The following PRTFDC1 variants were observed in gnomAD, a reference collection of about 807,000 sequenced individuals.
PRTFDC1 encodes phosphoribosyltransferase domain-containing protein 1.
Under a neutral mutation model 34.6 loss-of-function variants are expected in PRTFDC1, and 38 were observed. The observed-to-expected ratio is 1.10, with a 90% CI of 0.85 to 1.44. The LOEUF is 1.44. PRTFDC1 is among the 40% of genes most tolerant of loss of function. The pLI, the probability that PRTFDC1 is intolerant of heterozygous loss-of-function variation, is 0.00. For synonymous variants in PRTFDC1, 93 were observed against 98.1 expected (o/e 0.95, Z 0.31); for missense variants, 270 against 283.0 (o/e 0.95, Z 0.33).
chr10:24,857,866 CT>C (rs951693261), intron 5 of PRTFDC1, among the ~76,000 whole-genome samples: 4 of 151,794 alleles, frequency 2.6e-5, no homozygotes, highest in Non-Finnish European at 4.4e-5. Context: ...TCTTTTCTCT[CT>C]TTTTTTTAAC....
At chr10:24,946,384 G>A (rs1224239120) in intron 1 of PRTFDC1, among the ~76,000 whole-genome samples, 3 of 151,930 alleles carry the variant, frequency 2.0e-5, no homozygotes, top group Non-Finnish European at 2.9e-5. Flanking sequence ...GATGTTTGAC[G>A]CATAATGCCA....
At chr10:24,895,249 C>CTTGCTT (rs1848332078) in intron 3 of PRTFDC1, among the ~76,000 whole-genome samples, 3 of 70,214 alleles carry the variant, frequency 4.3e-5, no homozygotes, top group Non-Finnish European at 8.2e-5. Context: ...GAAATCTCCA[C>CTTGCTT]TTTCTTTTTT....
chr10:24,904,958 C>A (rs1210360806), intron 3 of PRTFDC1, among the ~76,000 whole-genome samples: 1 of 152,172 alleles, frequency 6.6e-6, no homozygotes, highest in Non-Finnish European at 1.5e-5. Context: ...TTCCTAATGT[C>A]CTGCTGGAAG....
chr10:24,860,286 C>T (rs752157239), intron 4 of PRTFDC1, among the ~76,000 whole-genome samples: 115 of 152,136 alleles, frequency 7.6e-4, no homozygotes, highest in Non-Finnish European at 8.7e-4. Flanking sequence ...GAGGCTGAGG[C>T]GGGAGAATCA....
intron 3 of PRTFDC1, among the ~76,000 whole-genome samples, chr10:24,931,930 A>AAC (rs1848979663): frequency 6.6e-6 from 1 of 151,652 alleles, no homozygotes; most frequent in African/African-American, 2.4e-5. Flanking sequence ...AAAAAACAAA[A>AAC]AACTATGGTT....
chr10:24,871,319 T>C (rs1372994592), intron 4 of PRTFDC1, among the ~76,000 whole-genome samples: 1 of 152,192 alleles, frequency 6.6e-6, no homozygotes, highest in Non-Finnish European at 1.5e-5. Context: ...GGATTGCTTT[T>C]ATTCACAGCA....
chr10:24,934,230 AAGAAGAAGAAGAAGAAGG>A (rs1277250085), intron 3 of PRTFDC1, among the ~76,000 whole-genome samples: 3 of 115,636 alleles, frequency 2.6e-5, no homozygotes, highest in East Asian at 4.4e-4. Flanking sequence ...GAAGAAGAAG[AAGAAGAAGAAGAAGAAGG>A]AGAAGAAGAA....
chr10:24,865,207 C>T (rs1486791268), intron 4 of PRTFDC1, among the ~76,000 whole-genome samples: 1 of 152,138 alleles, frequency 6.6e-6, no homozygotes, highest in African/African-American at 2.4e-5. Context: ...AGTGAATCAA[C>T]AATTTTGACC....
chr10:24,880,863 C>CTTTCTTTCT (rs1279281198), intron 3 of PRTFDC1, among the ~76,000 whole-genome samples: 3 of 146,480 alleles, frequency 2.0e-5, no homozygotes, highest in Non-Finnish European at 4.5e-5. Flanking sequence ...TTCTTTCTTT[C>CTTTCTTTCT]TTTCTTTCTT....
In PRTFDC1 at chr10:24,932,783, T is replaced by C. The variant is rs569552989; in HGVS notation, c.339+4401A>G. 5.3e-5 allele frequency among the ~76,000 whole-genome samples: 8 copies of C among 152,206 alleles called. No homozygotes were observed. In the East Asian group the frequency reaches 1.5e-3, roughly 29 times the overall value. Reference sequence around the variant, plus strand: ...TATTTTGTAGAAATCAGCTACATGATATTAAATTTATATGGAAAGACAAAG... The same window carrying C: ...TATTTTGTAGAAATCAGCTACATGACATTAAATTTATATGGAAAGACAAAG... On this transcript the variant is annotated intron_variant, in intron 3 of 8. Transcript: ENST00000320152.
chr10:24,939,950 T>G (rs903815276), intron 2 of PRTFDC1, among the ~76,000 whole-genome samples: 1 of 151,986 alleles, frequency 6.6e-6, no homozygotes, highest in African/African-American at 2.4e-5. Context: ...GACTTCTGAG[T>G]GAGGAATATG....
intron 4 of PRTFDC1, among the ~76,000 whole-genome samples, chr10:24,871,473 C>T (rs1391549140): frequency 6.6e-6 from 1 of 152,118 alleles, no homozygotes; most frequent in African/African-American, 2.4e-5. Context: ...CAAGTTAAAA[C>T]TGGAGGTGTT....
At chr10:24,923,078 T>C (rs536565699) in intron 3 of PRTFDC1, among the ~76,000 whole-genome samples, 39 of 152,346 alleles carry the variant, frequency 2.6e-4, no homozygotes, top group African/African-American at 9.4e-4. Flanking sequence ...CCTGTGATGC[T>C]GTAGCTGGGC....
At chr10:24,906,685 T>C (rs1413472703) in intron 3 of PRTFDC1, among the ~76,000 whole-genome samples, 1 of 152,190 alleles carries the variant, frequency 6.6e-6, no homozygotes, top group East Asian at 1.9e-4. Flanking sequence ...TTTTTACTTA[T>C]CAAGGAAATA....
intron 3 of PRTFDC1, among the ~76,000 whole-genome samples, chr10:24,874,603 A>C (rs1036036622): frequency 6.6e-6 from 1 of 152,240 alleles, no homozygotes; most frequent in African/African-American, 2.4e-5. Flanking sequence ...TTTCATCTTC[A>C]TTCTATTGAT....
At chr10:24,923,938 C>T (rs1363974453) in intron 3 of PRTFDC1, among the ~76,000 whole-genome samples, 1 of 152,116 alleles carries the variant, frequency 6.6e-6, no homozygotes, top group African/African-American at 2.4e-5. Flanking sequence ...CTAGAATAAA[C>T]AGTGTAGAGA....
chr10:24,871,873 A>G (rs1291643293), intron 4 of PRTFDC1, 125 bp downstream of exon 4: 4 of 724,734 alleles, frequency 5.5e-6, no homozygotes, highest in Non-Finnish European at 6.9e-6. Context: ...GGATTCACGC[A>G]GCCATTTGTA....
intron 1 of PRTFDC1, among the ~76,000 whole-genome samples, chr10:24,945,539 C>T (rs955086992): frequency 9.2e-5 from 14 of 152,170 alleles, no homozygotes; most frequent in Admixed American, 2.0e-4. Context: ...ACTGCAGCCT[C>T]GAACTTTTAG....
intron 3 of PRTFDC1, among the ~76,000 whole-genome samples, chr10:24,904,534 T>A (rs1401187290): frequency 6.6e-6 from 1 of 152,206 alleles, no homozygotes; most frequent in Non-Finnish European, 1.5e-5. Context: ...GCAAGTCTGC[T>A]ACATGGAAGC....
Sources: allele counts gnomAD v4.1 joint callset (sites outside exome capture counted in the v4.1 genomes callset), GRCh38; gene constraint gnomAD v4.1.1; transcripts MANE v1.5; gene names NCBI Gene and HGNC (gene_info 2026-07-23, HGNC 2026-07-21).